The following AGO1 variants were observed in gnomAD, a reference collection of about 807,000 sequenced individuals.
The protein encoded by AGO1 is protein argonaute-1.
In AGO1, 11 loss-of-function variants were observed where a neutral mutation model predicts 109.2. The ratio of observed to expected loss-of-function variants is 0.10; its 90% CI spans 0.06 to 0.17. The LOEUF (loss-of-function observed/expected upper bound fraction) is 0.17, where lower values mean the gene tolerates loss of function less well. Among genes scored for constraint, AGO1 ranks in the 10% least tolerant of loss-of-function variants. The probability of loss-of-function intolerance (pLI) is 1.00; values close to 1 mark genes in which losing one functional copy is unlikely to be tolerated. For missense variants in AGO1, 574 were observed against 1,140.3 expected (o/e 0.50, Z 7.15); for synonymous variants, 422 against 418.6 (o/e 1.01, Z -0.10).
Position 35,925,258 on chromosome 1 carries a change from A to C in AGO1, c.*5651A>C, listed in dbSNP as rs1645906029. ...CTTTTGGGGATCTTGTAACTCTATG[A>C]CTTACTTACGTTATTCTCCAGTATT... On this transcript the variant is annotated 3_prime_UTR_variant, in exon 19 of 19. Transcript: ENST00000373204. The C allele has an allele frequency of 6.6e-6, 1 of 151,010 alleles. No individual in the cohort carries two copies. Among genetic ancestry groups the C allele is most frequent in the Admixed American group, 6.6e-5 (1 of 15,090 alleles). The allele number at this position is 151,010 out of a possible 1,614,324, so 9.4% of individuals were successfully genotyped here.
At chr1:35,909,721 T>C (rs1645598377) in intron 12 of AGO1, among the ~76,000 whole-genome samples, 1 of 152,218 alleles carries the variant, frequency 6.6e-6, no homozygotes, top group Non-Finnish European at 1.5e-5. Flanking sequence ...CTGATTCTGC[T>C]CTGAAATCTT....
chr1:35,896,949 ACAG>A (rs1645331299), intron 8 of AGO1, among the ~76,000 whole-genome samples: 1 of 152,180 alleles, frequency 6.6e-6, no homozygotes, highest in African/African-American at 2.4e-5. Flanking sequence ...TTCTATTTAA[ACAG>A]CAGTTTCCAA....
At chr1:35,874,101 A>C (rs1272604560) in intron 1 of AGO1, among the ~76,000 whole-genome samples, 1 of 152,244 alleles carries the variant, frequency 6.6e-6, no homozygotes, top group East Asian at 1.9e-4. Context: ...TACTATTGCA[A>C]TTGTTTTGGG....
Position 35,919,174 on chromosome 1 carries a change from C to T in AGO1, c.2385C>T (p.Val795=). ...CHTYVRCTRS[V]SIPAPAYYAR... The stretch of plus-strand genomic sequence containing the variant: ...CTTACGTACGATGCACACGCTCTGT[C>T]TCTATCCCAGCACCTGCCTACTATG... Residue 795 remains valine (V), a synonymous_variant, in exon 18 of 19, where the codon GTC becomes GTT. Coordinates refer to ENST00000373204, the MANE Select transcript of AGO1 (RefSeq NM_012199.5). This position sits in a 1 kb window ranked among gnomAD's most constrained non-coding sequence, Gnocchi z 6.6. 6.2e-7 allele frequency: 1 copy of T among 1,614,210 alleles called. No homozygotes were observed. Among genetic ancestry groups the T allele is most frequent in the Non-Finnish European group, 8.5e-7 (1 of 1,180,046 alleles).
chr1:35,906,352 T>G (rs976373295), intron 11 of AGO1, among the ~76,000 whole-genome samples: 1 of 152,242 alleles, frequency 6.6e-6, no homozygotes, highest in Non-Finnish European at 1.5e-5. Context: ...ATCAGCTGCT[T>G]GAGCGGGGCA....
At chr1:35,918,852 G>A (rs150735958) in intron 17 of AGO1, among the ~76,000 whole-genome samples, 8 of 152,268 alleles carry the variant, frequency 5.3e-5, no homozygotes, top group African/African-American at 7.2e-5. Context: ...CACTGTGCCC[G>A]GCCAGGACTG....
At chr1:35,917,447 C>A in intron 15 of AGO1, 146 bp from the exon 16 acceptor site, 1 of 911,250 alleles carries the variant, frequency 1.1e-6, no homozygotes, top group Non-Finnish European at 1.6e-6. Context: ...AAGGGCCTGT[C>A]ATCTCTAATT....
chr1:35,880,800 C>T (rs551439287), upstream of AGO1, among the ~76,000 whole-genome samples: 33 of 152,270 alleles, frequency 2.2e-4, no homozygotes, highest in Non-Finnish European at 4.1e-4. Context: ...GCTGGGACTA[C>T]AGGCGTGTGC....
chr1:35,903,254 C>G (rs1645453136), intron 11 of AGO1, among the ~76,000 whole-genome samples: 1 of 151,434 alleles, frequency 6.6e-6, no homozygotes, highest in Admixed American at 6.6e-5. Context: ...GATCCTCCTG[C>G]TTCGGTCTCC....
intron 13 of AGO1, 50 bp downstream of exon 13, chr1:35,914,051 TTGA>T (rs1366878008): frequency 8.1e-6 from 13 of 1,610,576 alleles, no homozygotes; most frequent in Non-Finnish European, 1.1e-5. Flanking sequence ...ATGCTGGGAA[TTGA>T]TGAAGAGATA....
intron 2 of AGO1, 46 bp from the exon 3 acceptor site, chr1:35,892,511 T>G (rs1048547702): frequency 1.2e-5 from 20 of 1,613,440 alleles, no homozygotes; most frequent in African/African-American, 5.3e-5. Context: ...AAACTTGAAG[T>G]GGTGGTAGTC....
rs893885209 is a variant in AGO1, at chr1:35,927,096, G to A, written c.*7489G>A. ...TTAGCCAGGTTTTTGGAAAAGGCCTGTGGGCTATTAATGAGAGTGAGCTGC... is the reference window on the plus strand; with the variant it reads ...TTAGCCAGGTTTTTGGAAAAGGCCTATGGGCTATTAATGAGAGTGAGCTGC... On this transcript the variant is annotated 3_prime_UTR_variant, in exon 19 of 19. Transcript: ENST00000373204. 1 of 152,128 alleles carries A rather than the reference G, an allele frequency of 6.6e-6. No homozygotes were observed. The highest frequency in any genetic ancestry group is 1.5e-5 in the Non-Finnish European group (1 of 68,038). The allele number at this position is 152,128 out of a possible 1,614,324, so 9.4% of individuals were successfully genotyped here. A position where few individuals can be genotyped will look rare whatever the true frequency, so the allele number is the denominator to read the frequency against.
intron 11 of AGO1, among the ~76,000 whole-genome samples, chr1:35,906,153 A>C (rs2148718434): frequency 6.6e-6 from 1 of 152,304 alleles, no homozygotes; most frequent in African/African-American, 2.4e-5. Flanking sequence ...TCCAGGGTAA[A>C]GCCCTAAAGC....
rs1645715568 is a variant in AGO1, at chr1:35,915,379, G to A, written c.1865G>A (p.Arg622Gln). 3.7e-6 allele frequency: 6 copies of A among 1,613,816 alleles called. No homozygotes were observed. The highest frequency in any genetic ancestry group is 5.1e-6 in the Non-Finnish European group (6 of 1,179,914). ...GGCAGTATGGATGCCCACCCCAGCC[G>A]ATACTGTGCTACTGTGCGGGTACAG... is the stretch of plus-strand genomic sequence containing the variant. Reference protein sequence around the residue: ...VVGSMDAHPSRYCATVRVQRP... With the variant: ...VVGSMDAHPSQYCATVRVQRP... The change falls in exon 15 of 19, where the codon CGA becomes CAA. Residue 622 changes from arginine (R) to glutamine (Q), a missense_variant. Coordinates refer to ENST00000373204, the MANE Select transcript of AGO1 (RefSeq NM_012199.5).
intron 12 of AGO1, among the ~76,000 whole-genome samples, chr1:35,913,357 C>G (rs1490495048): frequency 6.6e-6 from 1 of 152,202 alleles, no homozygotes; most frequent in Non-Finnish European, 1.5e-5. Flanking sequence ...CTTATCTCCT[C>G]TGGTAGGTCA....
Position 35,919,616 on chromosome 1 carries a change from C to T in AGO1, c.*9C>T, listed in dbSNP as rs750483408. ...CCATGTACTTCGCTTGAAGGCAGAA[C>T]GCTGTTACCTCACTGGATAGAAGAA... On this transcript the variant is annotated 3_prime_UTR_variant, in exon 19 of 19. Coordinates refer to ENST00000373204, the MANE Select transcript of AGO1 (RefSeq NM_012199.5). The surrounding 1 kb of genome is among the most constrained non-coding windows in gnomAD (Gnocchi z 6.6). The T allele has an allele frequency of 9.9e-6, 16 of 1,610,366 alleles. No individual in the cohort carries two copies. Among genetic ancestry groups the T allele is most frequent in the Middle Eastern group, 1.6e-4 (1 of 6,070 alleles).
At chr1:35,902,511 G>A (rs1251452387) in intron 11 of AGO1, among the ~76,000 whole-genome samples, 174 bp downstream of exon 11, 1 of 152,124 alleles carries the variant, frequency 6.6e-6, no homozygotes, top group Non-Finnish European at 1.5e-5. Context: ...TCTGTGATCA[G>A]GGGAAGTTAA....
intron 11 of AGO1, among the ~76,000 whole-genome samples, chr1:35,903,461 T>C (rs1407430169): frequency 6.6e-6 from 1 of 152,106 alleles, no homozygotes; most frequent in Non-Finnish European, 1.5e-5. Context: ...CAATGCACTC[T>C]AGGGATGAGG....
At position 35,901,217 on chromosome 1, in the gene AGO1, C is replaced by T. The variant is rs374077515; in HGVS notation, c.1021-257C>T. On this transcript the variant is annotated intron_variant, in intron 8 of 18. Coordinates refer to ENST00000373204, the MANE Select transcript of AGO1 (RefSeq NM_012199.5). This position sits in a 1 kb window ranked among gnomAD's most constrained non-coding sequence, Gnocchi z 4.8. Reference sequence around the variant, plus strand: ...AACTCCTGACCTCAAGTGATCTGGCCGCCTTGGCCTCCTAAGGTGCTGGGA... The same window carrying T: ...AACTCCTGACCTCAAGTGATCTGGCTGCCTTGGCCTCCTAAGGTGCTGGGA... 2.2e-4 allele frequency among the ~76,000 whole-genome samples: 34 copies of T among 152,188 alleles called. No individual in the cohort carries two copies. The highest frequency in any genetic ancestry group is 3.4e-3 in the Middle Eastern group (1 of 294).
Sources: gnomAD v4.1 joint callset for allele counts (sites outside exome capture counted in the v4.1 genomes callset) on GRCh38, gnomAD v4.1.1 for gene constraint, Gnocchi (gnomAD v3.1) non-coding constraint, MANE v1.5 for transcripts, NCBI Gene and HGNC (gene_info 2026-07-23, HGNC 2026-07-21) for gene names.